Variants in TOMM70 observed in about 807,000 individuals in gnomAD.
TOMM70 encodes the protein mitochondrial import receptor subunit TOM70.
A neutral mutation model predicts 73.6 loss-of-function variants in TOMM70; 13 were observed. The observed-to-expected ratio is 0.18, with a 90% CI of 0.11 to 0.28. The LOEUF (loss-of-function observed/expected upper bound fraction) is 0.28, where lower values mean the gene tolerates loss of function less well. TOMM70 is among the 10% of genes least tolerant of loss of function. The pLI, the probability that TOMM70 is intolerant of heterozygous loss-of-function variation, is 1.00. For missense variants in TOMM70, 609 were observed against 747.5 expected, an observed-to-expected ratio of 0.81 and a Z score of 2.16; for synonymous variants, 257 against 271.2, an observed-to-expected ratio of 0.95 and a Z score of 0.51.
At chr3:100,378,275 A>G (rs1275576986) in intron 5 of TOMM70, among the ~76,000 whole-genome samples, 1 of 151,924 alleles carries the variant, frequency 6.6e-6, no homozygotes, top group Non-Finnish European at 1.5e-5. Flanking sequence ...AAGAAAAGAA[A>G]GAATTCAATG....
At chr3:100,366,450 A>G (rs1706448316) in intron 11 of TOMM70, among the ~76,000 whole-genome samples, 1 of 152,248 alleles carries the variant, frequency 6.6e-6, no homozygotes, top group East Asian at 1.9e-4. Flanking sequence ...ACTGGCATAC[A>G]TGTTAGTAAG....
At chr3:100,376,452 C>G (rs940177982) in intron 6 of TOMM70, among the ~76,000 whole-genome samples, 5 of 149,188 alleles carry the variant, frequency 3.4e-5, no homozygotes, top group Admixed American at 2.0e-4. Context: ...CAGACTTGAC[C>G]TCCCAGGTAC....
At chr3:100,395,594 T>A (rs1259341748) in intron 1 of TOMM70, among the ~76,000 whole-genome samples, 1 of 149,746 alleles carries the variant, frequency 6.7e-6, no homozygotes, top group East Asian at 1.9e-4. Flanking sequence ...GAATCCAGCA[T>A]TAACTGGTAG....
intron 9 of TOMM70, 51 bp downstream of exon 9, chr3:100,372,555 G>C (rs1199981073): frequency 7.3e-7 from 1 of 1,376,796 alleles, no homozygotes; most frequent in African/African-American, 1.5e-5. Context: ...TCCATACTGA[G>C]ATTTGGCATA....
chr3:100,387,590 A>G (rs1293924315), intron 1 of TOMM70, among the ~76,000 whole-genome samples: 3 of 115,314 alleles, frequency 2.6e-5, no homozygotes, highest in Non-Finnish European at 5.1e-5. Flanking sequence ...AGACACAGAC[A>G]CAGACACAGA....
chr3:100,386,776 G>T, intron 2 of TOMM70, 29 bp downstream of exon 2: 1 of 1,592,362 alleles, frequency 6.3e-7, no homozygotes, highest in South Asian at 1.2e-5. Flanking sequence ...GAAAGAAAAG[G>T]AACAGAAGAA....
At chr3:100,366,445 C>T (rs115202850) in intron 11 of TOMM70, among the ~76,000 whole-genome samples, 1,809 of 152,282 alleles carry the variant, frequency 0.012, 35 homozygotes, top group African/African-American at 0.042. Context: ...GTCTAACTGG[C>T]ATACATGTTA....
chr3:100,400,360 A>C (rs1447956376), intron 1 of TOMM70, among the ~76,000 whole-genome samples: 1 of 152,172 alleles, frequency 6.6e-6, no homozygotes, highest in Non-Finnish European at 1.5e-5. Flanking sequence ...CCCATCTACA[A>C]CACTAGGGAT....
intron 1 of TOMM70, among the ~76,000 whole-genome samples, chr3:100,389,263 A>G (rs542986682): frequency 1.3e-5 from 2 of 152,368 alleles, no homozygotes; most frequent in African/African-American, 4.8e-5. Context: ...TAGCTAAACT[A>G]GCATTTGAGG....
intron 4 of TOMM70, among the ~76,000 whole-genome samples, chr3:100,383,721 C>T (rs1181994581): frequency 2.0e-5 from 3 of 152,058 alleles, no homozygotes; most frequent in Non-Finnish European, 4.4e-5. Context: ...AAGAAAAAAG[C>T]AAGTTATTAT....
chr3:100,367,918 T>C (rs1051049233), intron 11 of TOMM70, 126 bp downstream of exon 11: 34 of 1,052,032 alleles, frequency 3.2e-5, no homozygotes, highest in Non-Finnish European at 4.2e-5. Flanking sequence ...CATTTTTTTT[T>C]CCAACGTGAA....
intron 1 of TOMM70, among the ~76,000 whole-genome samples, chr3:100,393,909 G>T (rs1706791425): frequency 6.6e-6 from 1 of 152,160 alleles, no homozygotes; most frequent in African/African-American, 2.4e-5. Context: ...AAAAGGATTA[G>T]CCCACATATA....
chr3:100,384,721 T>A, intron 3 of TOMM70, 133 bp from the exon 4 acceptor site: 1 of 543,800 alleles, frequency 1.8e-6, no homozygotes, highest in Non-Finnish European at 3.1e-6. Flanking sequence ...CATTTCCAAT[T>A]AACTGATTCT....
At chr3:100,366,689 G>T (rs1483154508) in intron 11 of TOMM70, among the ~76,000 whole-genome samples, 2 of 152,194 alleles carry the variant, frequency 1.3e-5, no homozygotes, top group African/African-American at 2.4e-5. Flanking sequence ...TTATTTAATT[G>T]TAAGGTTCAG....
Position 100,365,403 on chromosome 3 carries a change from C to T in TOMM70, c.*161G>A. The T allele has an allele frequency of 9.5e-7, 1 of 1,057,760 alleles. No homozygotes were observed. The highest frequency in any genetic ancestry group is 1.3e-6 in the Non-Finnish European group (1 of 753,412). The allele number at this position is 1,057,760 out of a possible 1,614,324, so 65.5% of individuals were successfully genotyped here. On this transcript the variant is annotated 3_prime_UTR_variant, in exon 12 of 12. Transcript: ENST00000284320. Reference sequence around the variant, plus strand: ...GACTGCAAACTTCCTTCAACAGCCACACCCACAACACCTAGACATGAAACA... The same window carrying T: ...GACTGCAAACTTCCTTCAACAGCCATACCCACAACACCTAGACATGAAACA...
At chr3:100,397,314 A>G (rs1205305976) in intron 1 of TOMM70, among the ~76,000 whole-genome samples, 1 of 152,258 alleles carries the variant, frequency 6.6e-6, no homozygotes, top group Admixed American at 6.5e-5. Flanking sequence ...TTAAAAGAAG[A>G]CAAAAGTAGT....
Position 100,365,322 on chromosome 3 carries a change from T to C in TOMM70, c.*242A>G. On this transcript the variant is annotated 3_prime_UTR_variant, in exon 12 of 12. Transcript: ENST00000284320. ...CATTTGTACTCTTTGCAACTTTATT[T>C]AAAAATCCCTTTAACATGTTCTAAT... is the stretch of plus-strand genomic sequence containing the variant. The C allele has an allele frequency of 2.2e-6, 1 of 453,490 alleles. No homozygotes were observed. Among genetic ancestry groups the C allele is most frequent in the Non-Finnish European group, 3.8e-6 (1 of 261,518 alleles). 28.1% of individuals were successfully genotyped at this position (453,490 alleles called of 1,614,324 possible). A position where few individuals can be genotyped will look rare whatever the true frequency, so the allele number is the denominator to read the frequency against.
intron 2 of TOMM70, 53 bp from the exon 3 acceptor site, chr3:100,386,397 A>G (rs1387235074): frequency 6.6e-7 from 1 of 1,523,176 alleles, no homozygotes; most frequent in Non-Finnish European, 8.8e-7. Context: ...ACTGTTCAAT[A>G]GAAATCAGTT....
Position 100,377,737 on chromosome 3 carries a change from T to C in TOMM70, c.1060A>G (p.Lys354Glu), listed in dbSNP as rs754457025. 1 of 1,613,854 alleles carries C rather than the reference T, an allele frequency of 6.2e-7. No individual in the cohort carries two copies. The highest frequency in any genetic ancestry group is 1.7e-5 in the Admixed American group (1 of 60,028). ...TTAGCTTCTTTCAAACTGATGACTT[T>C]ATCTAAATCTGGTTTGGCTGCATTG... ...NANAAKPDLD[K>E]VISLKEANVK... Residue 354 changes from lysine (K) to glutamate (E), a missense_variant, in exon 6 of 12, where the codon AAA becomes GAA. Coordinates refer to ENST00000284320, the MANE Select transcript of TOMM70 (RefSeq NM_014820.5).
Sources: allele counts gnomAD v4.1 joint callset (sites outside exome capture counted in the v4.1 genomes callset), GRCh38; gene constraint gnomAD v4.1.1; transcripts MANE v1.5; gene names NCBI Gene and HGNC (gene_info 2026-07-23, HGNC 2026-07-21).